TAMALIN: variants seen among roughly 807,000 people sequenced by gnomAD.
The protein encoded by TAMALIN is trafficking regulator and scaffold protein tamalin.
Under a neutral mutation model 38.5 loss-of-function variants are expected in TAMALIN, and 9 were observed. The observed-to-expected ratio is 0.23, with a 90% CI of 0.14 to 0.41. The LOEUF (loss-of-function observed/expected upper bound fraction) is 0.41, where lower values mean the gene tolerates loss of function less well. Ranked by LOEUF, TAMALIN falls within the 10% of genes least tolerant of loss-of-function variation. The pLI is 1.00. For missense variants in TAMALIN, 548 were observed against 554.1 expected (o/e 0.99, Z 0.11); for synonymous variants, 306 against 256.5 (o/e 1.19, Z -1.85).
chr12:52,011,288 G>T lies in TAMALIN; in HGVS notation c.454+147G>T. 1 of 1,460,630 alleles carries T rather than the reference G, an allele frequency of 6.8e-7. No homozygotes were observed. The highest frequency in any genetic ancestry group is 9.3e-7 in the Non-Finnish European group (1 of 1,078,474). The allele number at this position is 1,460,630 out of a possible 1,614,324, so 90.5% of individuals were successfully genotyped here. A position where few individuals can be genotyped will look rare whatever the true frequency, so the allele number is the denominator to read the frequency against. On this transcript the variant is annotated intron_variant, in intron 4 of 7. Transcript: ENST00000293662. This position sits in a 1 kb window ranked among gnomAD's most constrained non-coding sequence, Gnocchi z 5.3. The stretch of plus-strand genomic sequence containing the variant: ...AGAAAGAAGAATGGATAGAATCTGG[G>T]CTTTGGATCTAGGCAAATTTGCCAT...
Position 52,011,387 on chromosome 12 carries a change from G to A in TAMALIN, c.454+246G>A, listed in dbSNP as rs1431488572. The A allele has an allele frequency of 3.2e-6, 2 of 631,774 alleles. No homozygotes were observed. The highest frequency in any genetic ancestry group is 3.8e-5 in the South Asian group (2 of 52,452). 39.1% of individuals were successfully genotyped at this position (631,774 alleles called of 1,614,324 possible). A position where few individuals can be genotyped will look rare whatever the true frequency, so the allele number is the denominator to read the frequency against. On this transcript the variant is annotated intron_variant, in intron 4 of 7. Transcript: ENST00000293662. This position sits in a 1 kb window ranked among gnomAD's most constrained non-coding sequence, Gnocchi z 5.3. ...GCATCCAAACATCACAGTGCGGCAA[G>A]GGGATTCCCTGGGCACACTGCCAGG...
chr12:52,010,646 C>T, intron 2 of TAMALIN: 1 of 1,048,988 alleles, frequency 9.5e-7, no homozygotes, highest in Non-Finnish European at 1.3e-6. Context: ...ACCGGCCCTT[C>T]TCTGTGCTTC....
chr12:52,007,166 G>A lies in TAMALIN; in HGVS notation c.147G>A (p.Gly49=). The A allele has an allele frequency of 6.0e-6, 9 of 1,498,962 alleles. No homozygotes were observed. Among genetic ancestry groups the A allele is most frequent in the Non-Finnish European group, 7.9e-6 (9 of 1,133,698 alleles). The allele number at this position is 1,498,962 out of a possible 1,614,324, so 92.9% of individuals were successfully genotyped here. ...PGPPAAAATP[G]PPADELYAAL... is the part of the protein sequence containing the mutation. Reference sequence around the variant, plus strand: ...CCCCTGCCGCAGCCGCCACCCCTGGGCCCCCAGCGGACGAGCTGTACGCGG... The same window carrying A: ...CCCCTGCCGCAGCCGCCACCCCTGGACCCCCAGCGGACGAGCTGTACGCGG... The change falls in exon 1 of 8, where the codon GGG becomes GGA. Residue 49 remains glycine, a synonymous_variant. Coordinates refer to ENST00000293662, the MANE Select transcript of TAMALIN (RefSeq NM_181711.4). The surrounding 1 kb of genome is among the most constrained non-coding windows in gnomAD (Gnocchi z 6.7).
intron 4 of TAMALIN, among the ~76,000 whole-genome samples, chr12:52,013,147 G>A (rs867738227): frequency 6.2e-5 from 9 of 144,524 alleles, no homozygotes; most frequent in East Asian, 6.0e-4. Flanking sequence ...GCGCGATCTC[G>A]GCTCACTGCA....
chr12:52,014,294 A>G, intron 7 of TAMALIN, 93 bp downstream of exon 7: 1 of 1,056,830 alleles, frequency 9.5e-7, no homozygotes, highest in Non-Finnish European at 1.4e-6. Context: ...CTAGTAAAGA[A>G]CGGTTTACTA....
At position 52,015,275 on chromosome 12, in the gene TAMALIN, AGAG is replaced by A; in HGVS notation, c.*79_*81del. ...GCTAAAAGAGGGGGAGGCCGAGCCA[AGAG>A]GACCCCAGGAGCCCAGAGCAGCGGG... is the stretch of plus-strand genomic sequence containing the variant. On this transcript the variant is annotated 3_prime_UTR_variant, in exon 8 of 8. Transcript: ENST00000293662. 4 of 1,453,478 alleles carry A rather than the reference AGAG, an allele frequency of 2.8e-6. No homozygotes were observed. The highest frequency in any genetic ancestry group is 2.7e-6 in the Non-Finnish European group (3 of 1,103,370). The allele number at this position is 1,453,478 out of a possible 1,614,324, so 90.0% of individuals were successfully genotyped here.
In TAMALIN at chr12:52,015,214, A is replaced by C; in HGVS notation, c.*15A>C. 2.6e-6 allele frequency: 4 copies of C among 1,565,484 alleles called. No individual in the cohort carries two copies. Among genetic ancestry groups the C allele is most frequent in the African/African-American group, 1.4e-5 (1 of 72,922 alleles). On this transcript the variant is annotated 3_prime_UTR_variant, in exon 8 of 8. Transcript: ENST00000293662. ...GCCAGCTGTAGGGGCGGGGGCGGGCAGGGAGGTATTTATTTATTTATTCGC... is the reference window on the plus strand; with the variant it reads ...GCCAGCTGTAGGGGCGGGGGCGGGCCGGGAGGTATTTATTTATTTATTCGC...
Position 52,007,756 on chromosome 12 carries a change from C to T in TAMALIN, c.246+491C>T. On this transcript the variant is annotated intron_variant, in intron 1 of 7. Transcript: ENST00000293662. This position sits in a 1 kb window ranked among gnomAD's most constrained non-coding sequence, Gnocchi z 6.7. ...GCTGACTCCGGATAGCACACCCTTC[C>T]GAGGGGACTCCCCGATTCCTGGGCT... 5.1e-6 allele frequency: 5 copies of T among 985,454 alleles called. No homozygotes were observed. Among genetic ancestry groups the T allele is most frequent in the Non-Finnish European group, 6.0e-6 (5 of 829,928 alleles). The allele number at this position is 985,454 out of a possible 1,614,324, so 61.0% of individuals were successfully genotyped here. A position where few individuals can be genotyped will look rare whatever the true frequency, so the allele number is the denominator to read the frequency against.
intron 2 of TAMALIN, chr12:52,010,525 C>G: frequency 1.8e-6 from 2 of 1,132,296 alleles, no homozygotes; most frequent in Non-Finnish European, 2.2e-6. Context: ...ACAGAGGAGG[C>G]TCCAGGCTGT....
intron 2 of TAMALIN, 169 bp from the exon 3 acceptor site, chr12:52,010,712 A>C (rs1592272147): frequency 1.0e-6 from 1 of 953,592 alleles, no homozygotes; most frequent in South Asian, 1.6e-5. Flanking sequence ...GCTGATTTCA[A>C]TTGGGTATGG....
chr12:52,015,162 T>C lies in TAMALIN; in HGVS notation c.1151T>C (p.Leu384Pro). The change falls in exon 8 of 8, where the codon CTC becomes CCC. Residue 384 changes from leucine (L) to proline (P), a missense_variant. Around this residue, in one of 3 missense-constraint regions of TAMALIN, gnomAD observed 415 missense variants for 417.0 expected, o/e 1.00. Coordinates refer to ENST00000293662, the MANE Select transcript of TAMALIN (RefSeq NM_181711.4). Reference protein sequence around the residue: ...RRRLLKFIPGLNRSLEEEESQ... With the variant: ...RRRLLKFIPGPNRSLEEEESQ... ...CGGCTGCTCAAGTTCATCCCCGGACTCAACCGCTCCCTGGAGGAGGAGGAG... is the reference window on the plus strand; with the variant it reads ...CGGCTGCTCAAGTTCATCCCCGGACCCAACCGCTCCCTGGAGGAGGAGGAG... 1 of 1,592,692 alleles carries C rather than the reference T, an allele frequency of 6.3e-7. No homozygotes were observed. The highest frequency in any genetic ancestry group is 8.5e-7 in the Non-Finnish European group (1 of 1,177,368).
At position 52,007,398 on chromosome 12, in the gene TAMALIN, C is replaced by T. The variant is rs1456911232; in HGVS notation, c.246+133C>T. ...TTCTTCCCCGGCCCGCTGGGTGCCTCGACTCCCCGCGTTCCCCGCTGCTGC... is the reference window on the plus strand; with the variant it reads ...TTCTTCCCCGGCCCGCTGGGTGCCTTGACTCCCCGCGTTCCCCGCTGCTGC... On this transcript the variant is annotated intron_variant, in intron 1 of 7. Coordinates refer to ENST00000293662, the MANE Select transcript of TAMALIN (RefSeq NM_181711.4). This position sits in a 1 kb window ranked among gnomAD's most constrained non-coding sequence, Gnocchi z 6.7. 6.3e-6 allele frequency: 8 copies of T among 1,268,736 alleles called. No individual in the cohort carries two copies. The highest frequency in any genetic ancestry group is 7.9e-6 in the Non-Finnish European group (8 of 1,008,420). The allele number at this position is 1,268,736 out of a possible 1,614,324, so 78.6% of individuals were successfully genotyped here.
At position 52,007,353 on chromosome 12, in the gene TAMALIN, C is replaced by T; in HGVS notation, c.246+88C>T. The T allele has an allele frequency of 1.5e-6, 2 of 1,294,970 alleles. No individual in the cohort carries two copies. Among genetic ancestry groups the T allele is most frequent in the African/African-American group, 1.5e-5 (1 of 65,218 alleles). The allele number at this position is 1,294,970 out of a possible 1,614,324, so 80.2% of individuals were successfully genotyped here. The stretch of plus-strand genomic sequence containing the variant: ...TGACTCCGCAGTGCCCTCTCCTCGG[C>T]GTCCGCGGAGTCCCCCACCTTCTTC... On this transcript the variant is annotated intron_variant, in intron 1 of 7. Coordinates refer to ENST00000293662, the MANE Select transcript of TAMALIN (RefSeq NM_181711.4). This position sits in a 1 kb window ranked among gnomAD's most constrained non-coding sequence, Gnocchi z 6.7.
chr12:52,008,032 C>T (rs1282479727), intron 1 of TAMALIN: 1 of 985,342 alleles, frequency 1.0e-6, no homozygotes, highest in Non-Finnish European at 1.2e-6. Context: ...CCCAGCCGCC[C>T]TCCTTCGCCC....
At position 52,007,303 on chromosome 12, in the gene TAMALIN, C is replaced by T; in HGVS notation, c.246+38C>T. 1 of 1,388,798 alleles carries T rather than the reference C, an allele frequency of 7.2e-7. No individual in the cohort carries two copies. The highest frequency in any genetic ancestry group is 1.5e-5 in the African/African-American group (1 of 66,826). The allele number at this position is 1,388,798 out of a possible 1,614,324, so 86.0% of individuals were successfully genotyped here. A position where few individuals can be genotyped will look rare whatever the true frequency, so the allele number is the denominator to read the frequency against. On this transcript the variant is annotated intron_variant, in intron 1 of 7. Transcript: ENST00000293662. This position sits in a 1 kb window ranked among gnomAD's most constrained non-coding sequence, Gnocchi z 6.7. ...CCCGCCTTCAGGATCTGCTCAGCCC[C>T]TCTCCGACTCCCTACAGGGCCTGCT...
intron 1 of TAMALIN, chr12:52,008,603 C>T (rs1942452041): frequency 1.0e-6 from 1 of 985,422 alleles, no homozygotes; most frequent in Non-Finnish European, 1.2e-6. Flanking sequence ...ACGGCCTGTA[C>T]CTTAGGAGAC....
At chr12:52,010,513 G>C (rs949906943) in intron 2 of TAMALIN, 1 of 1,118,482 alleles carries the variant, frequency 8.9e-7, no homozygotes, top group Non-Finnish European at 1.1e-6. Flanking sequence ...CAAAGCTGTG[G>C]AACAGAGGAG....
chr12:52,014,223 AG>A, intron 7 of TAMALIN, 22 bp downstream of exon 7: 1 of 1,576,304 alleles, frequency 6.3e-7, no homozygotes, highest in Non-Finnish European at 8.6e-7. Flanking sequence ...CCGGGGTGTG[AG>A]GGGCCACTTG....
In TAMALIN at chr12:52,015,067, G is replaced by T; in HGVS notation, c.1056G>T (p.Trp352Cys). Residue 352 changes from tryptophan (W) to cysteine (C), a missense_variant, in exon 8 of 8, where the codon TGG becomes TGT. Coordinates refer to ENST00000293662, the MANE Select transcript of TAMALIN (RefSeq NM_181711.4). ...GCGGGGGCGCGCCGGGCGCGCTCTG[G>T]ACTGAGGCTCGCGAGCAGGCCCTAT... is the stretch of plus-strand genomic sequence containing the variant. ...GGGGGAPGALWTEAREQALCG... is the reference protein window; with the variant it reads ...GGGGGAPGALCTEAREQALCG... The T allele has an allele frequency of 1.3e-6, 2 of 1,490,328 alleles. No homozygotes were observed. Among genetic ancestry groups the T allele is most frequent in the Non-Finnish European group, 1.8e-6 (2 of 1,127,962 alleles). The allele number at this position is 1,490,328 out of a possible 1,614,324, so 92.3% of individuals were successfully genotyped here.
Sources: allele counts gnomAD v4.1 joint callset (sites outside exome capture counted in the v4.1 genomes callset), GRCh38; gene constraint gnomAD v4.1.1; regional missense constraint gnomAD v4.1.1; non-coding constraint Gnocchi (gnomAD v3.1); transcripts MANE v1.5; gene names NCBI Gene and HGNC (gene_info 2026-07-23, HGNC 2026-07-21).